The following HECTD2 variants were observed in gnomAD, a reference collection of about 807,000 sequenced individuals.
The protein encoded by HECTD2 is HECT domain E3 ubiquitin protein ligase 2.
In HECTD2, 35 loss-of-function variants were observed where a neutral mutation model predicts 103.2. The observed-to-expected ratio is 0.34, with a 90% CI of 0.26 to 0.45. HECTD2 has a LOEUF of 0.45. Ranked by LOEUF, HECTD2 falls within the 20% of genes least tolerant of loss-of-function variation. HECTD2 has a pLI of 1.00. For synonymous variants in HECTD2, 281 were observed against 329.9 expected (o/e 0.85, Z 1.61); for missense variants, 596 against 937.4 (o/e 0.64, Z 4.76).
intron 2 of HECTD2, among the ~76,000 whole-genome samples, chr10:91,456,144 G>T (rs1845080132): frequency 6.6e-6 from 1 of 152,152 alleles, no homozygotes; most frequent in Non-Finnish European, 1.5e-5. Context: ...GGGTGGCATT[G>T]AATCTATAAA....
chr10:91,475,461 T>C (rs975968580), intron 5 of HECTD2, among the ~76,000 whole-genome samples: 2 of 152,198 alleles, frequency 1.3e-5, no homozygotes, highest in African/African-American at 4.8e-5. Context: ...TGTCAGATGT[T>C]GCTGAGACAT....
intron 1 of HECTD2, among the ~76,000 whole-genome samples, chr10:91,416,567 A>G (rs1271875973): frequency 7.1e-6 from 1 of 140,462 alleles, no homozygotes; most frequent in Non-Finnish European, 1.5e-5. Context: ...TACTATCTAG[A>G]TTTGTATAAG....
In HECTD2 at chr10:91,499,359, C is replaced by G. The variant is rs925347023; in HGVS notation, c.1950+209C>G. Among the ~76,000 whole-genome samples, 6 of 152,104 alleles carry G rather than the reference C, an allele frequency of 3.9e-5. No homozygotes were observed. In the South Asian group the frequency reaches 1.0e-3, roughly 26 times the overall value. ...ACACCCCAGTCAGTTCATTTTCTCT[C>G]CCCTTCTACTAAGTCTTTTAGAGCT... On this transcript the variant is annotated intron_variant, in intron 18 of 20. Transcript: ENST00000298068.
At chr10:91,432,172 G>A (rs1843910719) in intron 2 of HECTD2, among the ~76,000 whole-genome samples, 1 of 151,862 alleles carries the variant, frequency 6.6e-6, no homozygotes, top group Admixed American at 6.6e-5. Context: ...TGATGTTTTG[G>A]GAAGCCTCTC....
intron 2 of HECTD2, among the ~76,000 whole-genome samples, chr10:91,449,361 C>G (rs1844688893): frequency 6.6e-6 from 1 of 152,094 alleles, no homozygotes; most frequent in Admixed American, 6.6e-5. Context: ...ATACTAAAAT[C>G]TCTCAATAAA....
chr10:91,414,309 T>C (rs1435007986), intron 1 of HECTD2, among the ~76,000 whole-genome samples: 7 of 151,992 alleles, frequency 4.6e-5, no homozygotes, highest in Non-Finnish European at 1.0e-4. Flanking sequence ...GGGGAAGAGT[T>C]TGAGGGTGAG....
chr10:91,420,814 G>A (rs1442928641), intron 1 of HECTD2, among the ~76,000 whole-genome samples: 1 of 152,134 alleles, frequency 6.6e-6, no homozygotes, highest in Non-Finnish European at 1.5e-5. Flanking sequence ...AAGCATCAAT[G>A]TCCATCATGC....
chr10:91,412,126 T>C (rs1212330593), intron 1 of HECTD2, among the ~76,000 whole-genome samples: 3 of 152,218 alleles, frequency 2.0e-5, no homozygotes, highest in Non-Finnish European at 2.9e-5. Context: ...CATATATTAT[T>C]TAATACCCAC....
At chr10:91,488,822 A>G (rs150041285) in intron 11 of HECTD2, 1 of 152,246 alleles carries the variant, frequency 6.6e-6, no homozygotes, top group Non-Finnish European at 1.5e-5. Flanking sequence ...TTTATTGCCT[A>G]TGCCCATCAA....
chr10:91,417,581 G>A (rs1430468455), intron 1 of HECTD2, among the ~76,000 whole-genome samples: 2 of 149,662 alleles, frequency 1.3e-5, no homozygotes, highest in Non-Finnish European at 3.0e-5. Flanking sequence ...TGTTCTCATT[G>A]TTCAGTTCCC....
intron 2 of HECTD2, among the ~76,000 whole-genome samples, chr10:91,428,307 G>C (rs1419162146): frequency 6.6e-6 from 1 of 151,404 alleles, no homozygotes; most frequent in Non-Finnish European, 1.5e-5. Context: ...AAGTCAGGTA[G>C]CGTGATGCCT....
intron 14 of HECTD2, 28 bp from the exon 15 acceptor site, chr10:91,496,186 G>A: frequency 6.5e-7 from 1 of 1,540,826 alleles, no homozygotes; most frequent in Non-Finnish European, 8.8e-7. Context: ...TGGATTTTAT[G>A]TTAATGCTTA....
intron 9 of HECTD2, 28 bp downstream of exon 9, chr10:91,484,683 T>G (rs767632823): frequency 1.2e-5 from 19 of 1,545,190 alleles, no homozygotes; most frequent in African/African-American, 5.6e-5. Context: ...TATCATTTTT[T>G]ACTTTTCTTT....
At chr10:91,499,297 T>C (rs1846800362) in intron 18 of HECTD2, 147 bp downstream of exon 18, 4 of 566,400 alleles carry the variant, frequency 7.1e-6, no homozygotes, top group Non-Finnish European at 1.2e-5. Flanking sequence ...ACAAAAATAG[T>C]TCTCTCATTT....
intron 18 of HECTD2, among the ~76,000 whole-genome samples, chr10:91,500,155 A>T (rs1270045636): frequency 6.6e-6 from 1 of 152,176 alleles, no homozygotes; most frequent in South Asian, 2.1e-4. Context: ...AGGAGGTGTT[A>T]TGGGATATTG....
At position 91,462,200 on chromosome 10, in the gene HECTD2, T is replaced by G; in HGVS notation, c.600+16T>G. The G allele has an allele frequency of 6.4e-7, 1 of 1,568,964 alleles. No individual in the cohort carries two copies. Among genetic ancestry groups the G allele is most frequent in the East Asian group, 2.3e-5 (1 of 43,000 alleles). ...ACTTAATACTGTAAGTATTATGACA[T>G]GCAAGTAATATTATTCTGTGTCTCT... is the stretch of plus-strand genomic sequence containing the variant. On this transcript the variant is annotated intron_variant, in intron 5 of 20. Coordinates refer to ENST00000298068, the MANE Select transcript of HECTD2 (RefSeq NM_182765.6).
intron 5 of HECTD2, among the ~76,000 whole-genome samples, chr10:91,463,922 A>G (rs987321034): frequency 8.5e-5 from 13 of 152,150 alleles, no homozygotes; most frequent in Non-Finnish European, 1.6e-4. Context: ...CTGTAACCCA[A>G]CAATTCCATT....
intron 9 of HECTD2, among the ~76,000 whole-genome samples, chr10:91,484,937 A>G (rs1359708791): frequency 6.6e-6 from 1 of 152,028 alleles, no homozygotes; most frequent in Non-Finnish European, 1.5e-5. Flanking sequence ...GTAAATGGCC[A>G]TCTGCATATT....
upstream of HECTD2, among the ~76,000 whole-genome samples, chr10:91,409,937 C>G (rs1320430491): frequency 1.3e-5 from 2 of 152,194 alleles, no homozygotes; most frequent in Non-Finnish European, 2.9e-5. Context: ...ACGTCCTGCC[C>G]TACTGGTACC....
Sources: allele counts gnomAD v4.1 joint callset (sites outside exome capture counted in the v4.1 genomes callset), GRCh38; gene constraint gnomAD v4.1.1; transcripts MANE v1.5; gene names NCBI Gene and HGNC (gene_info 2026-07-23, HGNC 2026-07-21).